THSD7B: variants seen among roughly 807,000 people sequenced by gnomAD.
THSD7B encodes thrombospondin type-1 domain-containing protein 7B.
Under a neutral mutation model 213.6 loss-of-function variants are expected in THSD7B, and 138 were observed. The observed-to-expected ratio is 0.65, with a 90% CI of 0.56 to 0.74. The LOEUF is 0.74. Among genes scored for constraint, THSD7B ranks in the 30% least tolerant of loss-of-function variants. The probability of loss-of-function intolerance (pLI) is 0.00; values close to 1 mark genes in which losing one functional copy is unlikely to be tolerated. For synonymous variants in THSD7B, 742 were observed against 687.0 expected (o/e 1.08, Z -1.25); for missense variants, 1,931 against 1,991.5 (o/e 0.97, Z 0.58).
chr2:137,281,402 CTTATTTT>C (rs888450464), intron 12 of THSD7B, among the ~76,000 whole-genome samples: 4 of 151,280 alleles, frequency 2.6e-5, no homozygotes, highest in African/African-American at 9.7e-5. Flanking sequence ...CTTTATTTTT[CTTATTTT>C]TTATTATTAT....
intron 2 of THSD7B, among the ~76,000 whole-genome samples, chr2:137,011,591 C>T (rs1686231793): frequency 6.6e-6 from 1 of 152,176 alleles, no homozygotes. Context: ...GGCTGAAAAG[C>T]ACTGTCTCAC....
intron 12 of THSD7B, among the ~76,000 whole-genome samples, chr2:137,298,409 C>G (rs368774559): frequency 6.6e-6 from 1 of 152,040 alleles, no homozygotes; most frequent in Non-Finnish European, 1.5e-5. Context: ...TGCAGCCTGA[C>G]GATGCAGTAG....
chr2:137,156,288 A>AG (rs1178634325), intron 5 of THSD7B: 1 of 152,224 alleles, frequency 6.6e-6, no homozygotes, highest in Non-Finnish European at 1.5e-5. Flanking sequence ...TGACCCAAGC[A>AG]CATTGATTCA....
At chr2:136,811,873 G>C (rs573634969) in intron 1 of THSD7B, among the ~76,000 whole-genome samples, 1 of 151,988 alleles carries the variant, frequency 6.6e-6, no homozygotes, top group African/African-American at 2.4e-5. Context: ...GAAGGGTGTC[G>C]GCTCTTCAAA....
At position 137,657,154 on chromosome 2, in the gene THSD7B, G is replaced by A. The variant is rs781274659; in HGVS notation, c.4369G>A (p.Val1457Ile). The change falls in exon 24 of 28, where the codon GTC becomes ATC. Residue 1457 changes from valine (V) to isoleucine (I), a missense_variant. Transcript: ENST00000409968. ...VWCQRSDGVN[V>I]TGGCSPQARP... ...GTGCCAGCGTTCAGATGGCGTTAAT[G>A]TCACAGGTATTCCTGCCTAAGACTC... The A allele has an allele frequency of 1.2e-6, 2 of 1,613,972 alleles. No homozygotes were observed. The highest frequency in any genetic ancestry group is 1.1e-5 in the South Asian group (1 of 91,070).
In THSD7B at chr2:137,080,966, G is replaced by T. The variant is rs150711229; in HGVS notation, c.951-13907G>T. On this transcript the variant is annotated intron_variant, in intron 3 of 27. Coordinates refer to ENST00000409968, the MANE Select transcript of THSD7B (RefSeq NM_001316349.2). ...TTCTGAGTTGGGGAGATTCAAATCT[G>T]TTTGAAGAACAGTTTAGCCAGATAT... Among the ~76,000 whole-genome samples the T allele has an allele frequency of 6.4e-3, 978 of 152,216 alleles. 12 individuals are homozygous for T. The highest frequency in any genetic ancestry group is 0.022 in the African/African-American group (930 of 41,526).
chr2:136,996,454 T>G (rs1219121719), intron 2 of THSD7B, among the ~76,000 whole-genome samples: 1 of 152,050 alleles, frequency 6.6e-6, no homozygotes, highest in Admixed American at 6.6e-5. Flanking sequence ...CAATCCTCCC[T>G]TCTCAGCCTC....
intron 1 of THSD7B, among the ~76,000 whole-genome samples, chr2:136,825,380 T>C (rs1038923605): frequency 6.6e-6 from 1 of 152,128 alleles, no homozygotes; most frequent in East Asian, 1.9e-4. Flanking sequence ...TTCTGGAGCT[T>C]TCAAGAAGCT....
chr2:137,009,434 G>A (rs866706114), intron 2 of THSD7B, among the ~76,000 whole-genome samples: 2 of 152,192 alleles, frequency 1.3e-5, no homozygotes, highest in Middle Eastern at 3.4e-3. Flanking sequence ...CCCAATAGAA[G>A]TCAGAAAAAC....
chr2:137,231,535 T>C (rs1385236030), intron 8 of THSD7B, among the ~76,000 whole-genome samples: 1 of 152,174 alleles, frequency 6.6e-6, no homozygotes, highest in Non-Finnish European at 1.5e-5. Flanking sequence ...CAGAATTTGG[T>C]TGATACACAC....
intron 12 of THSD7B, among the ~76,000 whole-genome samples, chr2:137,372,812 G>T (rs954756985): frequency 1.3e-5 from 2 of 151,338 alleles, no homozygotes; most frequent in Non-Finnish European, 2.9e-5. Context: ...TCGTCATTTA[G>T]CATTAGGTAA....
At chr2:137,155,495 A>G (rs1438758431) in intron 5 of THSD7B, among the ~76,000 whole-genome samples, 4 of 152,236 alleles carry the variant, frequency 2.6e-5, no homozygotes, top group African/African-American at 9.6e-5. Flanking sequence ...TACTACAAAC[A>G]TCGTGGCTGG....
intron 1 of THSD7B, among the ~76,000 whole-genome samples, chr2:136,823,415 A>G (rs967349161): frequency 6.6e-6 from 1 of 152,192 alleles, no homozygotes; most frequent in Non-Finnish European, 1.5e-5. Context: ...ACTTGTTTTT[A>G]TAGACATTTT....
At chr2:137,565,805 G>T (rs899744707) in intron 16 of THSD7B, among the ~76,000 whole-genome samples, 5 of 152,050 alleles carry the variant, frequency 3.3e-5, no homozygotes, top group Admixed American at 6.6e-5. Flanking sequence ...AAAGCCACCA[G>T]TCTCATCATG....
chr2:136,830,088 G>A (rs2104946282), intron 1 of THSD7B, among the ~76,000 whole-genome samples: 1 of 151,642 alleles, frequency 6.6e-6, no homozygotes, highest in Admixed American at 6.6e-5. Flanking sequence ...CCTTTTCCTA[G>A]GTACCAGATG....
chr2:136,875,615 C>A (rs878970975), intron 1 of THSD7B, among the ~76,000 whole-genome samples: 1 of 152,106 alleles, frequency 6.6e-6, no homozygotes, highest in African/African-American at 2.4e-5. Flanking sequence ...TTAGTGATAG[C>A]CAGATTATGG....
At chr2:137,517,966 C>G (rs900908210) in intron 15 of THSD7B, among the ~76,000 whole-genome samples, 2 of 152,158 alleles carry the variant, frequency 1.3e-5, no homozygotes, top group African/African-American at 2.4e-5. Context: ...GAACTGGGCG[C>G]TTTCTGACCC....
chr2:137,069,228 A>G (rs534440903), intron 3 of THSD7B, among the ~76,000 whole-genome samples: 7 of 152,038 alleles, frequency 4.6e-5, no homozygotes, highest in African/African-American at 1.2e-4. Context: ...TCTTTCTCAT[A>G]TATCAATGAT....
chr2:137,347,057 C>A (rs1021831831), intron 12 of THSD7B, among the ~76,000 whole-genome samples: 3 of 151,682 alleles, frequency 2.0e-5, no homozygotes, highest in Non-Finnish European at 3.0e-5. Flanking sequence ...CACAAGGATT[C>A]CAATATCCCC....
Sources: allele counts gnomAD v4.1 joint callset (sites outside exome capture counted in the v4.1 genomes callset), GRCh38; gene constraint gnomAD v4.1.1; transcripts MANE v1.5; gene names NCBI Gene and HGNC (gene_info 2026-07-23, HGNC 2026-07-21).